Variants in SLC35B2 observed in about 807,000 individuals in gnomAD.
SLC35B2 encodes adenosine 3'-phospho 5'-phosphosulfate transporter 1.
A neutral mutation model predicts 37.9 loss-of-function variants in SLC35B2; 19 were observed. That is an observed-to-expected ratio of 0.50 (90% CI 0.35 to 0.74). The LOEUF is 0.74. Ranked by LOEUF, SLC35B2 falls within the 30% of genes least tolerant of loss-of-function variation. The probability of loss-of-function intolerance (pLI) is 0.01; values close to 1 mark genes in which losing one functional copy is unlikely to be tolerated. For synonymous variants in SLC35B2, 277 were observed against 225.2 expected, an observed-to-expected ratio of 1.23 and a Z score of -2.06; for missense variants, 633 against 547.6, an observed-to-expected ratio of 1.16 and a Z score of -1.56.
In SLC35B2 at chr6:44,255,284, G is replaced by C. The variant is rs1389971151; in HGVS notation, c.721C>G (p.Leu241Val). 6 of 1,614,124 alleles carry C rather than the reference G, an allele frequency of 3.7e-6. No homozygotes were observed. The highest frequency in any genetic ancestry group is 1.7e-5 in the Admixed American group (1 of 60,012). ...SRRSYEHWEYLTATLISIGVS... is the reference protein window; with the variant it reads ...SRRSYEHWEYVTATLISIGVS... The stretch of plus-strand genomic sequence containing the variant: ...CCAATGGAGATGAGGGTGGCTGTCA[G>C]GTACTCCCAGTGTTCGTAGCTGCGC... Residue 241 changes from leucine (L) to valine (V), a missense_variant, in exon 4 of 4, where the codon CTG (leucine) becomes GTG (valine). Physicochemically the swap from Leu to Val is conservative, Grantham distance 32. Coordinates refer to ENST00000393812, the MANE Select transcript of SLC35B2 (RefSeq NM_178148.4).
rs1781130464 is a variant in SLC35B2, at chr6:44,254,363, A to AGTC, written c.*340_*342dup. 7.6e-6 allele frequency: 2 copies of AGTC among 264,436 alleles called. No individual in the cohort carries two copies. The allele number at this position is 264,436 out of a possible 1,614,324, so 16.4% of individuals were successfully genotyped here. A position where few individuals can be genotyped will look rare whatever the true frequency, so the allele number is the denominator to read the frequency against. On this transcript the variant is annotated 3_prime_UTR_variant, in exon 4 of 4. Coordinates refer to ENST00000393812, the MANE Select transcript of SLC35B2 (RefSeq NM_178148.4). ...ATGCAGGTATTTGCAGAGGGGAGTGAGTCTGGAAGGTGGCAGAGCACAGCT... is the reference window on the plus strand; with the variant it reads ...ATGCAGGTATTTGCAGAGGGGAGTGAGTCGTCTGGAAGGTGGCAGAGCACAGCT...
At chr6:44,255,742 T>G in intron 3 of SLC35B2, 98 bp from the exon 4 acceptor site, 1 of 1,176,896 alleles carries the variant, frequency 8.5e-7, no homozygotes, top group Non-Finnish European at 1.2e-6. Flanking sequence ...CCTAAGTGAT[T>G]CAAAGGAAAA....
chr6:44,254,970 GGAGAGTAGCAGGGCATGGGCA>G lies in SLC35B2; in HGVS notation c.1014_1034del (p.Ala339_Ser345del). On this transcript the variant is annotated inframe_deletion, in exon 4 of 4. Coordinates refer to ENST00000393812, the MANE Select transcript of SLC35B2 (RefSeq NM_178148.4). ...AGAGCTGGCCACATGCGGAGCAGAT[GGAGAGTAGCAGGGCATGGGCA>G]GCAAACTCACTGTGTCGCCCCATGA... 6.2e-7 allele frequency: 1 copy of G among 1,614,206 alleles called. No homozygotes were observed.
At chr6:44,255,968 G>A (rs1316898245) in intron 3 of SLC35B2, among the ~76,000 whole-genome samples, 2 of 132,788 alleles carry the variant, frequency 1.5e-5, no homozygotes, top group Non-Finnish European at 3.3e-5. Flanking sequence ...ATGCAGTACT[G>A]GGGGAAGGCT....
At position 44,255,039 on chromosome 6, in the gene SLC35B2, C is replaced by T. The variant is rs367924427; in HGVS notation, c.966G>A (p.Gly322=). The T allele has an allele frequency of 6.2e-7, 1 of 1,614,064 alleles. No homozygotes were observed. Among genetic ancestry groups the T allele is most frequent in the African/African-American group, 1.3e-5 (1 of 74,930 alleles). ...LFTVGSLLEQ[G]ALLEGTRFMG... ...TGAAGCGGGTTCCCTCCAGTAGGGC[C>T]CCCTGTTCTAGCAGTGAGCCCACTG... The change falls in exon 4 of 4, where the codon GGG becomes GGA. Residue 322 remains glycine, a synonymous_variant. Coordinates refer to ENST00000393812, the MANE Select transcript of SLC35B2 (RefSeq NM_178148.4).
rs747564361 is a variant in SLC35B2 at position 44,254,922 on chromosome 6, C to G, written c.1083G>C (p.Gln361His). ...GQLFIFYTIG[Q>H]FGAAVFTIIM... is the part of the protein sequence containing the mutation. ...TGATGGTGAAGACGGCAGCCCCAAA[C>G]TGCCCAATGGTGTAAAAGATGAAGA... Residue 361 changes from glutamine (Q) to histidine (H), a missense_variant, in exon 4 of 4, where the codon CAG becomes CAC. Physicochemically the swap from Gln to His is conservative, Grantham distance 24. Coordinates refer to ENST00000393812, the MANE Select transcript of SLC35B2 (RefSeq NM_178148.4). 32 of 1,614,084 alleles carry G rather than the reference C, an allele frequency of 2.0e-5. No individual in the cohort carries two copies. The highest frequency in any genetic ancestry group is 1.3e-4 in the Admixed American group (8 of 60,000).
At position 44,257,505 on chromosome 6, in the gene SLC35B2, A is replaced by G; in HGVS notation, c.-95T>C. ...CCCGCCGCCGCCTCCAGGAGCGGCC[A>G]GCGAGCCAGCGGCCAGCGGAAGTGC... On this transcript the variant is annotated 5_prime_UTR_variant, in exon 1 of 4. Transcript: ENST00000393812. 1.7e-6 allele frequency: 2 copies of G among 1,164,340 alleles called. No individual in the cohort carries two copies. 72.1% of individuals were successfully genotyped at this position (1,164,340 alleles called of 1,614,324 possible). A position where few individuals can be genotyped will look rare whatever the true frequency, so the allele number is the denominator to read the frequency against.
In SLC35B2 at chr6:44,254,978, G is replaced by A. The variant is rs757226561; in HGVS notation, c.1027C>T (p.Leu343=). The part of the protein sequence containing the change: ...RHSEFAAHAL[L]LSICSACGQL... Reference sequence around the variant, plus strand: ...CCACATGCGGAGCAGATGGAGAGTAGCAGGGCATGGGCAGCAAACTCACTG... The same window carrying A: ...CCACATGCGGAGCAGATGGAGAGTAACAGGGCATGGGCAGCAAACTCACTG... Residue 343 remains leucine (L), a synonymous_variant, in exon 4 of 4, where the codon CTA becomes TTA. Coordinates refer to ENST00000393812, the MANE Select transcript of SLC35B2 (RefSeq NM_178148.4). 4 of 1,614,198 alleles carry A rather than the reference G, an allele frequency of 2.5e-6. No homozygotes were observed. The Admixed American group carries it at 6.7e-5, about 27-fold the overall frequency.
At position 44,257,431 on chromosome 6, in the gene SLC35B2, G is replaced by A; in HGVS notation, c.-21C>T. On this transcript the variant is annotated 5_prime_UTR_variant, in exon 1 of 4. Coordinates refer to ENST00000393812, the MANE Select transcript of SLC35B2 (RefSeq NM_178148.4). The stretch of plus-strand genomic sequence containing the variant: ...TCCATGGTCCAGGCCGCGTGGGGTG[G>A]AGGGGGAACCGGGGAATGCGAGTCC... The A allele has an allele frequency of 4.0e-6, 5 of 1,256,820 alleles. No homozygotes were observed. The highest frequency in any genetic ancestry group is 3.1e-4 in the Middle Eastern group (1 of 3,222). 77.9% of individuals were successfully genotyped at this position (1,256,820 alleles called of 1,614,324 possible).
In SLC35B2 at chr6:44,254,837, C is replaced by T. The variant is rs556702896; in HGVS notation, c.1168G>A (p.Val390Ile). ...ACCCCCAGCCCTCCCACCACAGTGA[C>T]AGTGTGGCCATAGAGAAGGCAGGAA... Reference protein sequence around the residue: ...LLSCLLYGHTVTVVGGLGVAV... With the variant: ...LLSCLLYGHTITVVGGLGVAV... The change falls in exon 4 of 4, where the codon GTC (valine) becomes ATC (isoleucine). Residue 390 changes from valine (V) to isoleucine (I), a missense_variant. Val to Ile is a conservative substitution (Grantham distance 29). Transcript: ENST00000393812. 2 of 1,614,186 alleles carry T rather than the reference C, an allele frequency of 1.2e-6. No individual in the cohort carries two copies. The highest frequency in any genetic ancestry group is 1.7e-6 in the Non-Finnish European group (2 of 1,180,032).
At chr6:44,256,934 CCAGAGG>C (rs1781579262) in intron 1 of SLC35B2, 56 bp from the exon 2 acceptor site, 1 of 1,523,862 alleles carries the variant, frequency 6.6e-7, no homozygotes, top group Non-Finnish European at 8.8e-7. Flanking sequence ...CCTCCGCCCT[CCAGAGG>C]GGACCACACT....
In SLC35B2 at chr6:44,255,656, G is replaced by C. The variant is rs758241980; in HGVS notation, c.361-12C>G. ...GTCAGATAAGACACCTGTTGGGGAAGGTAGAGACAAAGGAGACAATAAGCA... is the reference window on the plus strand; with the variant it reads ...GTCAGATAAGACACCTGTTGGGGAACGTAGAGACAAAGGAGACAATAAGCA... On this transcript the variant is annotated splice_polypyrimidine_tract_variant and intron_variant, in intron 3 of 3. Coordinates refer to ENST00000393812, the MANE Select transcript of SLC35B2 (RefSeq NM_178148.4). 1.2e-6 allele frequency: 2 copies of C among 1,602,110 alleles called. No homozygotes were observed. The highest frequency in any genetic ancestry group is 1.1e-5 in the South Asian group (1 of 90,196).
rs1781566682 is a variant in SLC35B2, at chr6:44,256,843, G to A, written c.47C>T (p.Ser16Phe). The A allele has an allele frequency of 1.2e-6, 2 of 1,611,412 alleles. No individual in the cohort carries two copies. The highest frequency in any genetic ancestry group is 1.7e-6 in the Non-Finnish European group (2 of 1,178,910). The change falls in exon 2 of 4, where the codon TCC (serine) becomes TTC (phenylalanine). Residue 16 changes from serine to phenylalanine, a missense_variant. Ser to Phe is a radical substitution (Grantham distance 155). Transcript: ENST00000393812. ...WAVVVLAAFP[S>F]LGAGGETPEA... ...GGGAGTCTCCCCACCTGCCCCTAGG[G>A]AGGGGAACGCAGCCAGCACCACCAC...
rs200807243 is a variant in SLC35B2, at chr6:44,256,376, G to A, written c.326C>T (p.Ala109Val). ...EAAETTPMWQALKLLFCATGL... is the reference protein window; with the variant it reads ...EAAETTPMWQVLKLLFCATGL... The stretch of plus-strand genomic sequence containing the variant: ...TGTGGCACAGAAGAGCAGCTTCAGG[G>A]CCTGCCACATCGGGGTGGTCTCTGC... Residue 109 changes from alanine (A) to valine (V), a missense_variant, in exon 3 of 4, where the codon GCC becomes GTC. By Grantham distance (64) the Ala-to-Val change is moderately conservative (BLOSUM62 0). Transcript: ENST00000393812. 4.2e-4 allele frequency: 672 copies of A among 1,613,756 alleles called. 3 individuals carry two copies. Among genetic ancestry groups the A allele is most frequent in the Non-Finnish European group, 1.4e-5 (17 of 1,179,986 alleles).
chr6:44,254,663 G>A lies in SLC35B2; in HGVS notation c.*43C>T, dbSNP rs371886171. 7.7e-6 allele frequency: 12 copies of A among 1,554,570 alleles called. No homozygotes were observed. Among genetic ancestry groups the A allele is most frequent in the Non-Finnish European group, 9.6e-6 (11 of 1,146,374 alleles). On this transcript the variant is annotated 3_prime_UTR_variant, in exon 4 of 4. Transcript: ENST00000393812. Reference sequence around the variant, plus strand: ...AGAGGTTACAGCAGAAGGGGATGGTGGGAGGGTCCTATTTCACTTCACCCC... The same window carrying A: ...AGAGGTTACAGCAGAAGGGGATGGTAGGAGGGTCCTATTTCACTTCACCCC...
rs1384140579 is a variant in SLC35B2 at position 44,254,615 on chromosome 6, T to C, written c.*91A>G. 4 of 1,387,644 alleles carry C rather than the reference T, an allele frequency of 2.9e-6. No individual in the cohort carries two copies. Among genetic ancestry groups the C allele is most frequent in the East Asian group, 4.6e-5 (2 of 43,494 alleles). The allele number at this position is 1,387,644 out of a possible 1,614,324, so 86.0% of individuals were successfully genotyped here. A position where few individuals can be genotyped will look rare whatever the true frequency, so the allele number is the denominator to read the frequency against. On this transcript the variant is annotated 3_prime_UTR_variant, in exon 4 of 4. Coordinates refer to ENST00000393812, the MANE Select transcript of SLC35B2 (RefSeq NM_178148.4). Reference sequence around the variant, plus strand: ...GTGATACTGAGAAAACACCTGCATTTTGCCCTTTCAGCCAGCTCCCTCAGA... The same window carrying C: ...GTGATACTGAGAAAACACCTGCATTCTGCCCTTTCAGCCAGCTCCCTCAGA...
Position 44,255,256 on chromosome 6 carries a change from A to T in SLC35B2, c.749T>A (p.Val250Asp). ...TCCGCTGGATAGCAGAAACATGCTG[A>T]CCCCAATGGAGATGAGGGTGGCTGT... is the stretch of plus-strand genomic sequence containing the variant. ...YLTATLISIGVSMFLLSSGPE... is the reference protein window; with the variant it reads ...YLTATLISIGDSMFLLSSGPE... The change falls in exon 4 of 4, where the codon GTC (valine) becomes GAC (aspartate). Residue 250 changes from valine to aspartate, a missense_variant. Physicochemically the swap from Val to Asp is radical, Grantham distance 152 (BLOSUM62 -3). Transcript: ENST00000393812. 1 of 1,614,182 alleles carries T rather than the reference A, an allele frequency of 6.2e-7. No individual in the cohort carries two copies. Among genetic ancestry groups the T allele is most frequent in the Non-Finnish European group, 8.5e-7 (1 of 1,180,028 alleles).
In SLC35B2 at chr6:44,254,608, C is replaced by G. The variant is rs750559022; in HGVS notation, c.*98G>C. The G allele has an allele frequency of 1.3e-4, 178 of 1,341,680 alleles. No individual in the cohort carries two copies. The highest frequency in any genetic ancestry group is 1.7e-4 in the Non-Finnish European group (163 of 982,642). The allele number at this position is 1,341,680 out of a possible 1,614,324, so 83.1% of individuals were successfully genotyped here. Reference sequence around the variant, plus strand: ...CTGGTCTGTGATACTGAGAAAACACCTGCATTTTGCCCTTTCAGCCAGCTC... The same window carrying G: ...CTGGTCTGTGATACTGAGAAAACACGTGCATTTTGCCCTTTCAGCCAGCTC... On this transcript the variant is annotated 3_prime_UTR_variant, in exon 4 of 4. Transcript: ENST00000393812.
chr6:44,256,246 C>T, intron 3 of SLC35B2, 96 bp downstream of exon 3: 1 of 1,475,138 alleles, frequency 6.8e-7, no homozygotes, highest in South Asian at 1.3e-5. Context: ...AACACACCAG[C>T]CAGCAAAGCT....
Sources: gnomAD v4.1 joint callset for allele counts (sites outside exome capture counted in the v4.1 genomes callset) on GRCh38, gnomAD v4.1.1 for gene constraint, MANE v1.5 for transcripts, NCBI Gene and HGNC (gene_info 2026-07-23, HGNC 2026-07-21) for gene names.